The following GRIP1 variants were observed in gnomAD, a reference collection of about 807,000 sequenced individuals.
GRIP1 encodes glutamate receptor interacting protein 1, also known as glutamate receptor-interacting protein 1.
A neutral mutation model predicts 129.9 loss-of-function variants in GRIP1; 45 were observed. The ratio of observed to expected loss-of-function variants is 0.35; its 90% confidence interval spans 0.27 to 0.44. The LOEUF (loss-of-function observed/expected upper bound fraction) is 0.44. Ranked by LOEUF, GRIP1 falls within the 20% of genes least tolerant of loss-of-function variation. The pLI is 1.00. For missense variants in GRIP1, 1,196 were observed against 1,396.8 expected, an observed-to-expected ratio of 0.86 and a Z score of 2.29; for synonymous variants, 530 against 520.8, an observed-to-expected ratio of 1.02 and a Z score of -0.24.
intron 1 of GRIP1, among the ~76,000 whole-genome samples, chr12:67,063,857 T>C (rs932002718): frequency 1.3e-5 from 2 of 152,196 alleles, no homozygotes; most frequent in African/African-American, 4.8e-5. Context: ...GGGCTGTCTG[T>C]TAGGTAGCCA....
intron 1 of GRIP1, among the ~76,000 whole-genome samples, chr12:66,887,024 G>GA (rs2040576881): frequency 6.6e-6 from 1 of 152,158 alleles, no homozygotes; most frequent in African/African-American, 2.4e-5. Flanking sequence ...TCACTCTTTA[G>GA]ATAAATGAAT....
Position 66,524,170 on chromosome 12 carries a change from A to G in GRIP1, c.502+5661T>C, listed in dbSNP as rs1358291504. On this transcript the variant is annotated intron_variant, in intron 5 of 24. Transcript: ENST00000359742. ...CAGGAATTGAACTCAGCTCTGCACCAAGTGGACCTAATAGACATCTACAGA... is the reference window on the plus strand; with the variant it reads ...CAGGAATTGAACTCAGCTCTGCACCGAGTGGACCTAATAGACATCTACAGA... 2.0e-5 allele frequency among the ~76,000 whole-genome samples: 3 copies of G among 152,302 alleles called. No individual in the cohort carries two copies. The East Asian group carries it at 5.8e-4, about 29-fold the overall frequency.
At chr12:66,481,515 T>C (rs1212807121) in intron 7 of GRIP1, among the ~76,000 whole-genome samples, 1 of 152,200 alleles carries the variant, frequency 6.6e-6, no homozygotes, top group Non-Finnish European at 1.5e-5. Flanking sequence ...GTAAATTAGT[T>C]CAACCATTGT....
At chr12:66,892,116 G>A (rs2040670224) in intron 1 of GRIP1, among the ~76,000 whole-genome samples, 1 of 152,128 alleles carries the variant, frequency 6.6e-6, no homozygotes, top group Non-Finnish European at 1.5e-5. Context: ...GTGGTGTCAG[G>A]GTGAGCACAG....
chr12:66,497,324 G>A (rs1041276303), intron 7 of GRIP1, among the ~76,000 whole-genome samples: 16 of 152,182 alleles, frequency 1.1e-4, no homozygotes, highest in African/African-American at 3.6e-4. Context: ...ATGGAAGTTT[G>A]TTTTGTCTGA....
intron 1 of GRIP1, among the ~76,000 whole-genome samples, chr12:66,715,517 A>AGAGAGAGAGAGAGAGAG (rs1205183269): frequency 2.1e-5 from 3 of 143,972 alleles, no homozygotes; most frequent in African/African-American, 7.7e-5. Context: ...AGAGAGAGAG[A>AGAGAGAGAGAGAGAGAG]ACTGTCTCCC....
chr12:66,868,767 A>G (rs1308570996), intron 1 of GRIP1, among the ~76,000 whole-genome samples: 1 of 152,158 alleles, frequency 6.6e-6, no homozygotes, highest in Admixed American at 6.6e-5. Flanking sequence ...TGAAGAATCC[A>G]TGATGTTCTC....
At chr12:66,972,857 A>G (rs140245967) in intron 1 of GRIP1, among the ~76,000 whole-genome samples, 1 of 152,312 alleles carries the variant, frequency 6.6e-6, no homozygotes, top group African/African-American at 2.4e-5. Flanking sequence ...TCTGTTGTGT[A>G]TTTGCACATT....
At chr12:67,049,231 C>T (rs763540386) in intron 1 of GRIP1, among the ~76,000 whole-genome samples, 18 of 152,118 alleles carry the variant, frequency 1.2e-4, no homozygotes, top group Non-Finnish European at 1.9e-4. Flanking sequence ...ATCAAATATC[C>T]TTCATGACAT....
In GRIP1 at chr12:66,914,853, G is replaced by C. The variant is rs142620890; in HGVS notation, c.58+154197C>G. 3.1e-3 allele frequency among the ~76,000 whole-genome samples: 479 copies of C among 152,338 alleles called. 1 individual carries two copies. The highest frequency in any genetic ancestry group is 0.011 in the African/African-American group (457 of 41,582). ...ATTAAATCAGACTAAGCCAGGCATG[G>C]TGGTGCATTCCTATAGTCCCAGCTA... On this transcript the variant is annotated intron_variant, in intron 1 of 1. Coordinates refer to the GRIP1 transcript ENST00000643019.
At chr12:66,545,969 A>T (rs566753876) in intron 2 of GRIP1, among the ~76,000 whole-genome samples, 56 of 152,298 alleles carry the variant, frequency 3.7e-4, no homozygotes, top group African/African-American at 1.3e-3. Flanking sequence ...GGAGAGACAA[A>T]CATGTGCATG....
intron 1 of GRIP1, among the ~76,000 whole-genome samples, chr12:66,948,966 T>C (rs1445032887): frequency 6.6e-6 from 1 of 152,180 alleles, no homozygotes; most frequent in Non-Finnish European, 1.5e-5. Context: ...TTACTAAAGA[T>C]GTGTTACAGC....
chr12:66,464,672 AT>A (rs778176058), intron 8 of GRIP1, among the ~76,000 whole-genome samples: 2 of 151,376 alleles, frequency 1.3e-5, no homozygotes, highest in South Asian at 2.1e-4. Flanking sequence ...TAGTTGCTTG[AT>A]TTTTTTTTCT....
At chr12:67,061,641 C>T (rs1457582297) in intron 1 of GRIP1, among the ~76,000 whole-genome samples, 2 of 152,110 alleles carry the variant, frequency 1.3e-5, no homozygotes, top group Non-Finnish European at 2.9e-5. Flanking sequence ...AGCTTAAAAA[C>T]TCATGTAAAA....
chr12:66,639,893 A>G (rs2031769022), intron 1 of GRIP1, among the ~76,000 whole-genome samples: 1 of 152,218 alleles, frequency 6.6e-6, no homozygotes, highest in African/African-American at 2.4e-5. Flanking sequence ...AGAAGCTGAG[A>G]CAAGCTCTGA....
intron 2 of GRIP1, among the ~76,000 whole-genome samples, chr12:66,551,957 T>C (rs2062154864): frequency 1.3e-5 from 2 of 152,144 alleles, no homozygotes; most frequent in Admixed American, 1.3e-4. Context: ...AATGATCAGA[T>C]GTTCTGATCT....
At chr12:66,796,688 C>T (rs1331284698) in intron 1 of GRIP1, among the ~76,000 whole-genome samples, 2 of 152,170 alleles carry the variant, frequency 1.3e-5, no homozygotes, top group African/African-American at 2.4e-5. Context: ...GTATCTCCAG[C>T]ATGTAGAATG....
At chr12:66,573,981 T>G (rs1191406781) in intron 2 of GRIP1, among the ~76,000 whole-genome samples, 1 of 152,246 alleles carries the variant, frequency 6.6e-6, no homozygotes, top group Admixed American at 6.5e-5. Context: ...CTTTTCCATA[T>G]GAGCTGAAAT....
At chr12:67,026,798 T>A (rs2042947375) in intron 1 of GRIP1, among the ~76,000 whole-genome samples, 1 of 152,242 alleles carries the variant, frequency 6.6e-6, no homozygotes, top group Admixed American at 6.5e-5. Flanking sequence ...TTCTTTTGAA[T>A]AATATAATCT....
Sources: gnomAD v4.1 joint callset for allele counts (sites outside exome capture counted in the v4.1 genomes callset) on GRCh38, gnomAD v4.1.1 for gene constraint, MANE v1.5 for transcripts, NCBI Gene and HGNC (gene_info 2026-07-23, HGNC 2026-07-21) for gene names.